CRAT: variants seen among roughly 807,000 people sequenced by gnomAD.
The protein encoded by CRAT is carnitine O-acetyltransferase, also known as carnitine acetylase.
Under a neutral mutation model 73.7 loss-of-function variants are expected in CRAT, and 66 were observed. The observed-to-expected ratio is 0.90, with a 90% CI of 0.73 to 1.10. CRAT has a LOEUF of 1.10. CRAT is among the 50% of genes least tolerant of loss of function. The probability of loss-of-function intolerance (pLI) is 0.00; values close to 1 mark genes in which losing one functional copy is unlikely to be tolerated. For missense variants in CRAT, 745 were observed against 846.9 expected (o/e 0.88, Z 1.49); for synonymous variants, 321 against 343.2 (o/e 0.94, Z 0.71).
chr9:129,097,707 T>TA (rs11397782), intron 11 of CRAT: 183,320 of 315,620 alleles, frequency 0.58, 51,662 homozygotes, highest in Non-Finnish European at 0.64. Context: ...AGACTCTTTC[T>TA]AAAAAAAAAC....
rs746038243 is a variant in CRAT, at chr9:129,095,556, G to A, written c.1722C>T (p.Tyr574=). The change falls in exon 14 of 14, where the codon TAC becomes TAT. Residue 574 remains tyrosine, a synonymous_variant. Coordinates refer to ENST00000318080, the MANE Select transcript of CRAT (RefSeq NM_000755.5). ...CCTCCATGGGGTTATAGCAGACACC[G>A]TAGCCGTCGGGGACCACGGGCCCGA... ...MFFGPVVPDG[Y]GVCYNPMEAH... is the part of the protein sequence containing the mutation. 2.7e-5 allele frequency: 44 copies of A among 1,613,292 alleles called. No individual in the cohort carries two copies. Among genetic ancestry groups the A allele is most frequent in the African/African-American group, 1.2e-4 (9 of 74,916 alleles).
At position 129,095,218 on chromosome 9, in the gene CRAT, G is replaced by A. The variant is rs1012914896; in HGVS notation, c.*179C>T. 8.8e-6 allele frequency: 6 copies of A among 682,834 alleles called. No individual in the cohort carries two copies. Among genetic ancestry groups the A allele is most frequent in the East Asian group, 2.7e-5 (1 of 36,654 alleles). The allele number at this position is 682,834 out of a possible 1,614,324, so 42.3% of individuals were successfully genotyped here. ...CCTGGCAGGTGCTGGGATGACCCAC[G>A]GAAGGCACTTGGCTGGGGCCTGCAG... On this transcript the variant is annotated 3_prime_UTR_variant, in exon 14 of 14. Transcript: ENST00000318080.
chr9:129,100,085 C>CT, intron 7 of CRAT, 119 bp from the exon 8 acceptor site: 1 of 702,726 alleles, frequency 1.4e-6, no homozygotes, highest in Non-Finnish European at 2.4e-6. Context: ...GCTATGATGA[C>CT]TTATTACTGT....
chr9:129,104,940 C>A lies in CRAT; in HGVS notation c.292-634G>T, dbSNP rs1363654413. 3.2e-4 allele frequency among the ~76,000 whole-genome samples: 39 copies of A among 121,640 alleles called. 1 individual carries two copies. The highest frequency in any genetic ancestry group is 3.1e-3 in the Admixed American group (35 of 11,186). The allele number at this position is 121,640 out of a possible 152,430, so 79.8% of individuals were successfully genotyped here. On this transcript the variant is annotated intron_variant, in intron 2 of 13. Transcript: ENST00000318080. ...TTTTGAGACGGAGTCTCGCTCTGTC[C>A]CCCACGCTGGAGTGCAGTGGCATGA...
chr9:129,106,038 C>T lies in CRAT; in HGVS notation c.292-1732G>A, dbSNP rs773493673. ...ACCCCCAGAGACCTGGGCCCACCTG[C>T]GCCCCCTCAACCCGTGGTGAACAGC... On this transcript the variant is annotated intron_variant, in intron 2 of 13. Transcript: ENST00000318080. This position sits in a 1 kb window ranked among gnomAD's most constrained non-coding sequence, Gnocchi z 4.0. Among the ~76,000 whole-genome samples, 2 of 152,138 alleles carry T rather than the reference C, an allele frequency of 1.3e-5. No individual in the cohort carries two copies. Among genetic ancestry groups the T allele is most frequent in the African/African-American group, 2.4e-5 (1 of 41,428 alleles).
Position 129,107,718 on chromosome 9 carries a change from T to G in CRAT, c.291+96A>C. 7 of 1,577,362 alleles carry G rather than the reference T, an allele frequency of 4.4e-6. No homozygotes were observed. The highest frequency in any genetic ancestry group is 6.1e-6 in the Non-Finnish European group (7 of 1,153,176). On this transcript the variant is annotated intron_variant, in intron 2 of 13. Coordinates refer to ENST00000318080, the MANE Select transcript of CRAT (RefSeq NM_000755.5). The surrounding 1 kb of genome is among the most constrained non-coding windows in gnomAD (Gnocchi z 5.0). ...CACAGAGTATGTGCTCACGAAACTC[T>G]GGGCAGCAAACGAACGGCCGTGCCA... is the stretch of plus-strand genomic sequence containing the variant.
intron 13 of CRAT, 84 bp downstream of exon 13, chr9:129,095,914 G>A (rs1847251886): frequency 6.4e-7 from 1 of 1,564,954 alleles, no homozygotes; most frequent in South Asian, 1.1e-5. Context: ...TTGGCAATGG[G>A]TCAGTGGGGC....
chr9:129,103,424 G>A lies in CRAT; in HGVS notation c.411-358C>T, dbSNP rs968212313. 3.3e-5 allele frequency among the ~76,000 whole-genome samples: 5 copies of A among 150,592 alleles called. No individual in the cohort carries two copies. The highest frequency in any genetic ancestry group is 1.2e-4 in the African/African-American group (5 of 40,840). On this transcript the variant is annotated intron_variant, in intron 3 of 13. Coordinates refer to ENST00000318080, the MANE Select transcript of CRAT (RefSeq NM_000755.5). This position sits in a 1 kb window ranked among gnomAD's most constrained non-coding sequence, Gnocchi z 4.6. The stretch of plus-strand genomic sequence containing the variant: ...TGAACCTCAGCCTAGAATCTGGAGG[G>A]GGTGTCATCTGCTCTGAAGCATCGG...
At chr9:129,096,263 C>G in intron 12 of CRAT, 128 bp from the exon 13 acceptor site, 1 of 1,233,132 alleles carries the variant, frequency 8.1e-7, no homozygotes. Context: ...CCAGAGTATT[C>G]TGGCCAGAGA....
In CRAT at chr9:129,095,564, C is replaced by T. The variant is rs370126379; in HGVS notation, c.1714G>A (p.Asp572Asn). Residue 572 changes from aspartate (D) to asparagine (N), a missense_variant, in exon 14 of 14, where the codon GAC becomes AAC. Coordinates refer to ENST00000318080, the MANE Select transcript of CRAT (RefSeq NM_000755.5). ...CVMFFGPVVP[D>N]GYGVCYNPME... ...GGGTTATAGCAGACACCGTAGCCGT[C>T]GGGGACCACGGGCCCGAAGAACATG... The T allele has an allele frequency of 1.1e-5, 17 of 1,613,192 alleles. No individual in the cohort carries two copies. Among genetic ancestry groups the T allele is most frequent in the Middle Eastern group, 1.6e-4 (1 of 6,082 alleles).
chr9:129,109,234 G>C, intron 1 of CRAT: 2 of 1,304,228 alleles, frequency 1.5e-6, no homozygotes, highest in Non-Finnish European at 2.0e-6. Context: ...GGAGGACAGA[G>C]ACTGCCTGGC....
chr9:129,097,231 C>A lies in CRAT; in HGVS notation c.1527+19G>T. 6.5e-7 allele frequency: 1 copy of A among 1,546,750 alleles called. No individual in the cohort carries two copies. Among genetic ancestry groups the A allele is most frequent in the East Asian group, 2.4e-5 (1 of 41,822 alleles). On this transcript the variant is annotated intron_variant, in intron 12 of 13. Transcript: ENST00000318080. Reference sequence around the variant, plus strand: ...TGACACTAAGGGACAAGTGAGTAGGCACAAGCGGGCTCACTTACCCGGTCG... The same window carrying A: ...TGACACTAAGGGACAAGTGAGTAGGAACAAGCGGGCTCACTTACCCGGTCG...
intron 2 of CRAT, among the ~76,000 whole-genome samples, chr9:129,105,302 G>T (rs1424869298): frequency 6.6e-6 from 1 of 152,028 alleles, no homozygotes; most frequent in Non-Finnish European, 1.5e-5. Context: ...AAAAGGGAAG[G>T]GTCTACAAAA....
At chr9:129,102,869 C>A in intron 4 of CRAT, 144 bp downstream of exon 4, 1 of 827,868 alleles carries the variant, frequency 1.2e-6, no homozygotes, top group South Asian at 1.4e-5. Flanking sequence ...GGGACAGGGT[C>A]ACCCACCAAG....
intron 2 of CRAT, among the ~76,000 whole-genome samples, chr9:129,104,963 T>C (rs1266492266): frequency 1.5e-4 from 19 of 122,632 alleles, no homozygotes; most frequent in Non-Finnish European, 2.9e-4. Flanking sequence ...TGCAGTGGCA[T>C]GATCTCGGCT....
chr9:129,108,201 C>T, intron 1 of CRAT, 124 bp from the exon 2 acceptor site: 1 of 1,280,142 alleles, frequency 7.8e-7, no homozygotes, highest in Non-Finnish European at 1.0e-6. Context: ...TTGGGTGGGG[C>T]TGGCCCTGGC....
At chr9:129,102,096 G>A in intron 5 of CRAT, 39 bp from the exon 6 acceptor site, 1 of 1,596,640 alleles carries the variant, frequency 6.3e-7, no homozygotes, top group Non-Finnish European at 8.5e-7. Flanking sequence ...GGAGCTGAGT[G>A]GGGACCTCAG....
chr9:129,109,218 T>C (rs1356606936), intron 1 of CRAT: 1 of 1,304,240 alleles, frequency 7.7e-7, no homozygotes, highest in Non-Finnish European at 1.0e-6. Context: ...GAGGGAAAAC[T>C]TGGCTGGAGG....
Position 129,097,232 on chromosome 9 carries a change from A to G in CRAT, c.1527+18T>C, listed in dbSNP as rs1847333511. On this transcript the variant is annotated intron_variant, in intron 12 of 13. Transcript: ENST00000318080. ...GACACTAAGGGACAAGTGAGTAGGC[A>G]CAAGCGGGCTCACTTACCCGGTCGG... 1 of 1,547,938 alleles carries G rather than the reference A, an allele frequency of 6.5e-7. No homozygotes were observed. Among genetic ancestry groups the G allele is most frequent in the African/African-American group, 1.4e-5 (1 of 73,646 alleles).
Sources: gnomAD v4.1 joint callset for allele counts (sites outside exome capture counted in the v4.1 genomes callset) on GRCh38, gnomAD v4.1.1 for gene constraint, Gnocchi (gnomAD v3.1) non-coding constraint, MANE v1.5 for transcripts, NCBI Gene and HGNC (gene_info 2026-07-23, HGNC 2026-07-21) for gene names.